TTC28: variants seen among roughly 807,000 people sequenced by gnomAD.
TTC28 encodes tetratricopeptide repeat domain 28.
In TTC28, 61 loss-of-function variants were observed where a neutral mutation model predicts 198.0. The observed-to-expected ratio is 0.31, with a 90% confidence interval of 0.25 to 0.38. The LOEUF is 0.38. Among genes scored for constraint, TTC28 ranks in the 10% least tolerant of loss-of-function variants. The probability of loss-of-function intolerance (pLI) is 1.00; values close to 1 mark genes in which losing one functional copy is unlikely to be tolerated. For synonymous variants in TTC28, 1,171 were observed against 1,297.8 expected, an observed-to-expected ratio of 0.90 and a Z score of 2.10; for missense variants, 2,678 against 3,164.0, an observed-to-expected ratio of 0.85 and a Z score of 3.69.
chr22:28,441,455 T>A (rs2047620529), intron 2 of TTC28, among the ~76,000 whole-genome samples: 1 of 152,146 alleles, frequency 6.6e-6, no homozygotes, highest in South Asian at 2.1e-4. Flanking sequence ...CCAAAGTGAA[T>A]GGAATCAATC....
At chr22:28,497,594 C>A (rs2048475049) in intron 2 of TTC28, among the ~76,000 whole-genome samples, 1 of 152,088 alleles carries the variant, frequency 6.6e-6, no homozygotes, top group East Asian at 1.9e-4. Context: ...GCTAGTGATT[C>A]TAATGTACAG....
intron 1 of TTC28, among the ~76,000 whole-genome samples, chr22:28,644,208 G>A (rs544598549): frequency 5.6e-4 from 85 of 151,548 alleles, no homozygotes; most frequent in African/African-American, 2.0e-3. Context: ...GACCATCCTG[G>A]CTAACACGGT....
Position 28,448,137 on chromosome 22 carries a change from T to C in TTC28, c.382-141494A>G, listed in dbSNP as rs181916824. Among the ~76,000 whole-genome samples, 361 of 152,336 alleles carry C rather than the reference T, an allele frequency of 2.4e-3. 1 individual carries two copies. Among genetic ancestry groups the C allele is most frequent in the African/African-American group, 8.3e-3 (345 of 41,592 alleles). ...ATTGTTTCAAAGATCCAGCATCAAA[T>C]AGTAATTACACATTTTCCCAGGTCT... is the stretch of plus-strand genomic sequence containing the variant. On this transcript the variant is annotated intron_variant, in intron 2 of 22. Transcript: ENST00000397906.
rs1334668511 is a variant in TTC28 at position 28,589,758 on chromosome 22, G to A, written c.381+39794C>T. ...TTGAATTATAAAAATAACAGAAAAC[G>A]GTCGGGCATGGTGGCTCACGCCTGT... is the stretch of plus-strand genomic sequence containing the variant. On this transcript the variant is annotated intron_variant, in intron 2 of 22. Coordinates refer to ENST00000397906, the MANE Select transcript of TTC28 (RefSeq NM_001145418.2). Among the ~76,000 whole-genome samples, 8 of 152,048 alleles carry A rather than the reference G, an allele frequency of 5.3e-5. No individual in the cohort carries two copies. In the East Asian group the frequency reaches 5.8e-4, roughly 11 times the overall value.
At chr22:28,414,320 A>G (rs2047134746) in intron 2 of TTC28, among the ~76,000 whole-genome samples, 1 of 152,194 alleles carries the variant, frequency 6.6e-6, no homozygotes, top group Non-Finnish European at 1.5e-5. Context: ...CAACTGAGGA[A>G]TATTTGAAAC....
chr22:28,074,050 T>C (rs1941086273), intron 12 of TTC28, among the ~76,000 whole-genome samples: 1 of 152,322 alleles, frequency 6.6e-6, no homozygotes, highest in Admixed American at 6.5e-5. Flanking sequence ...TCCTTATCAC[T>C]GTGCTTAAAT....
chr22:28,653,051 TG>T (rs908532587), intron 1 of TTC28, among the ~76,000 whole-genome samples: 5 of 152,204 alleles, frequency 3.3e-5, no homozygotes, highest in Admixed American at 6.5e-5. Context: ...ACCCCAAAGT[TG>T]GTATGAAAAT....
At chr22:28,105,227 C>G in intron 8 of TTC28, 52 bp downstream of exon 8, 1 of 1,518,758 alleles carries the variant, frequency 6.6e-7, no homozygotes. Context: ...AGTTCTGACT[C>G]TGAACTTGAT....
intron 5 of TTC28, among the ~76,000 whole-genome samples, chr22:28,233,907 T>C (rs1254716106): frequency 1.4e-5 from 2 of 145,336 alleles, no homozygotes; most frequent in Non-Finnish European, 3.0e-5. Context: ...CCTAGCAAAT[T>C]AGTTTTTTTT....
At chr22:28,314,111 A>G (rs1250050010) in intron 2 of TTC28, among the ~76,000 whole-genome samples, 1 of 152,180 alleles carries the variant, frequency 6.6e-6, no homozygotes, top group African/African-American at 2.4e-5. Flanking sequence ...TCCCATTCAC[A>G]ACTGCTACTA....
chr22:28,493,933 G>C (rs2048415483), intron 2 of TTC28, among the ~76,000 whole-genome samples: 1 of 152,086 alleles, frequency 6.6e-6, no homozygotes, highest in Non-Finnish European at 1.5e-5. Flanking sequence ...AAATTTAAAA[G>C]ATAAGGCAAC....
chr22:28,365,381 A>C (rs1219400951), intron 2 of TTC28, among the ~76,000 whole-genome samples: 1 of 152,218 alleles, frequency 6.6e-6, no homozygotes, highest in Non-Finnish European at 1.5e-5. Flanking sequence ...AACCTTCAAT[A>C]TGTTAAGGTA....
At chr22:28,077,019 T>C (rs1569123721) in intron 12 of TTC28, among the ~76,000 whole-genome samples, 1 of 152,348 alleles carries the variant, frequency 6.6e-6, no homozygotes, top group Non-Finnish European at 1.5e-5. Context: ...CTGCAGGTAA[T>C]GTTTTAGAAT....
At chr22:28,189,158 G>A (rs763814707) in intron 5 of TTC28, among the ~76,000 whole-genome samples, 1 of 151,996 alleles carries the variant, frequency 6.6e-6, no homozygotes, top group Non-Finnish European at 1.5e-5. Flanking sequence ...GACCATCCTG[G>A]GCAACATAGC....
intron 2 of TTC28, among the ~76,000 whole-genome samples, chr22:28,567,475 C>CATAT (rs1217643047): frequency 2.2e-4 from 3 of 13,776 alleles, no homozygotes; most frequent in South Asian, 3.0e-3. Context: ...CATATACATA[C>CATAT]ATACATATAT....
intron 12 of TTC28, among the ~76,000 whole-genome samples, chr22:28,052,916 C>T (rs1268171767): frequency 1.3e-5 from 2 of 152,166 alleles, no homozygotes; most frequent in African/African-American, 4.8e-5. Context: ...TTACAAGAGA[C>T]GTAAATATAT....
At chr22:28,250,405 A>G (rs1569221401) in intron 5 of TTC28, among the ~76,000 whole-genome samples, 1 of 152,356 alleles carries the variant, frequency 6.6e-6, no homozygotes, top group East Asian at 1.9e-4. Flanking sequence ...TAATTTAAAT[A>G]CTTTAATCTA....
intron 12 of TTC28, among the ~76,000 whole-genome samples, chr22:28,044,851 G>C (rs1412036271): frequency 1.3e-5 from 2 of 152,098 alleles, no homozygotes; most frequent in Non-Finnish European, 2.9e-5. Context: ...TGTTAAAGTA[G>C]AAATACAGGT....
intron 5 of TTC28, among the ~76,000 whole-genome samples, chr22:28,288,590 G>A (rs557154191): frequency 5.9e-5 from 9 of 151,910 alleles, no homozygotes; most frequent in African/African-American, 1.9e-4. Flanking sequence ...GGCGGATCAC[G>A]AGGTCAGGAT....
Sources: gnomAD v4.1 joint callset for allele counts (sites outside exome capture counted in the v4.1 genomes callset) on GRCh38, gnomAD v4.1.1 for gene constraint, MANE v1.5 for transcripts, NCBI Gene and HGNC (gene_info 2026-07-23, HGNC 2026-07-21) for gene names.